The following RIOK1 variants were observed in gnomAD, a reference collection of about 807,000 sequenced individuals.
RIOK1 encodes RIO kinase 1.
RIOK1 carries 66 observed loss-of-function variants against 73.5 expected under a neutral mutation model. The ratio of observed to expected loss-of-function variants is 0.90; its 90% CI spans 0.74 to 1.10. The LOEUF (loss-of-function observed/expected upper bound fraction) is 1.10, where lower values mean the gene tolerates loss of function less well. Among genes scored for constraint, RIOK1 ranks in the 50% least tolerant of loss-of-function variants. RIOK1 has a pLI of 0.00. For synonymous variants in RIOK1, 224 were observed against 226.8 expected, an observed-to-expected ratio of 0.99 and a Z score of 0.11; for missense variants, 658 against 699.8, an observed-to-expected ratio of 0.94 and a Z score of 0.67.
At chr6:7,409,886 AC>A (rs1327246770) in intron 12 of RIOK1, among the ~76,000 whole-genome samples, 1 of 151,726 alleles carries the variant, frequency 6.6e-6, no homozygotes, top group East Asian at 1.9e-4. Flanking sequence ...AACCAAAAGA[AC>A]CCTTTGGAAT....
At chr6:7,391,682 G>T (rs560443640) in intron 1 of RIOK1, among the ~76,000 whole-genome samples, 10 of 152,184 alleles carry the variant, frequency 6.6e-5, no homozygotes, top group Non-Finnish European at 1.3e-4. Flanking sequence ...TTCTGGAGAC[G>T]TTTTTGTATG....
At chr6:7,390,128 C>G in intron 1 of RIOK1, 55 bp downstream of exon 1, 1 of 1,472,504 alleles carries the variant, frequency 6.8e-7, no homozygotes, top group Non-Finnish European at 9.2e-7. Flanking sequence ...TTGACCGCCC[C>G]CTTGGGGTGT....
intron 9 of RIOK1, 69 bp from the exon 10 acceptor site, chr6:7,404,349 A>G (rs1761686980): frequency 6.5e-7 from 1 of 1,544,726 alleles, no homozygotes; most frequent in South Asian, 1.1e-5. Flanking sequence ...AGAGAAGGGC[A>G]TGTAACAGTA....
chr6:7,416,748 A>G (rs796237279), intron 16 of RIOK1, among the ~76,000 whole-genome samples: 4 of 151,768 alleles, frequency 2.6e-5, no homozygotes, highest in African/African-American at 9.7e-5. Context: ...TGAGCCCAGG[A>G]GCTTGAGGCT....
intron 16 of RIOK1, 112 bp downstream of exon 16, chr6:7,414,502 G>A: frequency 4.9e-6 from 5 of 1,018,648 alleles, no homozygotes; most frequent in Non-Finnish European, 7.1e-6. Context: ...TTATTGATAA[G>A]TACCTCTAAT....
Position 7,408,544 on chromosome 6 carries a change from A to G in RIOK1, c.1204-1842A>G, listed in dbSNP as rs192978758. Among the ~76,000 whole-genome samples, 25 of 152,316 alleles carry G rather than the reference A, an allele frequency of 1.6e-4. No individual in the cohort carries two copies. In the East Asian group the frequency reaches 4.2e-3, roughly 26 times the overall value. On this transcript the variant is annotated intron_variant, in intron 12 of 16. Coordinates refer to ENST00000379834, the MANE Select transcript of RIOK1 (RefSeq NM_031480.3). ...AAGTAGTCACACTGTGTCACTTATT[A>G]TACTAAGTCCCTAATTCTGTCACCC...
chr6:7,410,039 A>G (rs1761850257), intron 12 of RIOK1, among the ~76,000 whole-genome samples: 1 of 152,162 alleles, frequency 6.6e-6, no homozygotes, highest in Non-Finnish European at 1.5e-5. Flanking sequence ...TGGTTCTTTC[A>G]TTCTTTAGGT....
intron 5 of RIOK1, 24 bp from the exon 6 acceptor site, chr6:7,400,934 T>C: frequency 1.3e-6 from 2 of 1,506,658 alleles, no homozygotes; most frequent in East Asian, 4.5e-5. Context: ...TTTGGAACTT[T>C]TTAATTTTTG....
At chr6:7,403,675 T>C (rs1415571772) in intron 8 of RIOK1, among the ~76,000 whole-genome samples, 4 of 152,122 alleles carry the variant, frequency 2.6e-5, no homozygotes, top group South Asian at 2.1e-4. Context: ...AAGATGCACA[T>C]TTTTTTCAGT....
chr6:7,408,411 C>T (rs1177243198), intron 12 of RIOK1, among the ~76,000 whole-genome samples: 1 of 151,256 alleles, frequency 6.6e-6, no homozygotes, highest in Admixed American at 6.6e-5. Flanking sequence ...TGCCTTTGCT[C>T]AACTTTGCTC....
chr6:7,411,760 C>T (rs1451944213), intron 14 of RIOK1, among the ~76,000 whole-genome samples: 1 of 152,188 alleles, frequency 6.6e-6, no homozygotes, highest in African/African-American at 2.4e-5. Context: ...CTTTAACATA[C>T]ATCATTCAGG....
At chr6:7,410,291 A>T in intron 12 of RIOK1, 95 bp from the exon 13 acceptor site, 1 of 842,676 alleles carries the variant, frequency 1.2e-6, no homozygotes, top group Non-Finnish European at 2.0e-6. Context: ...GGTGATACTT[A>T]AAAAGACTGG....
At position 7,405,248 on chromosome 6, in the gene RIOK1, G is replaced by C; in HGVS notation, c.1097-1G>C. ...GTCATTAACGTTTTTCCTTCTGACA[G>C]ATTTCTTTATGAGGCACAGTGTTGC... On this transcript the variant is annotated splice_acceptor_variant, in intron 11 of 16. Transcript: ENST00000379834. LOFTEE classifies it high-confidence loss of function. 1 of 1,597,980 alleles carries C rather than the reference G, an allele frequency of 6.3e-7. No individual in the cohort carries two copies. The highest frequency in any genetic ancestry group is 8.6e-7 in the Non-Finnish European group (1 of 1,167,494).
chr6:7,394,112 A>C (rs559464066), intron 2 of RIOK1, among the ~76,000 whole-genome samples: 1 of 152,264 alleles, frequency 6.6e-6, no homozygotes, highest in Admixed American at 6.6e-5. Flanking sequence ...CATAAAGGTT[A>C]ATCCAGCAGT....
chr6:7,392,575 A>G (rs912321500), intron 1 of RIOK1, among the ~76,000 whole-genome samples: 1 of 151,468 alleles, frequency 6.6e-6, no homozygotes, highest in African/African-American at 2.4e-5. Flanking sequence ...GCTGGAGTAC[A>G]GTGGCACGAT....
intron 3 of RIOK1, among the ~76,000 whole-genome samples, chr6:7,396,162 A>C (rs947509210): frequency 6.6e-6 from 1 of 152,172 alleles, no homozygotes; most frequent in Non-Finnish European, 1.5e-5. Context: ...GTTAATTTGA[A>C]TCATCATCTC....
intron 5 of RIOK1, among the ~76,000 whole-genome samples, chr6:7,399,577 A>G (rs1180293081): frequency 6.6e-6 from 1 of 152,178 alleles, no homozygotes; most frequent in Non-Finnish European, 1.5e-5. Flanking sequence ...ACATAGCTGG[A>G]GTCTTCAGCT....
At position 7,410,389 on chromosome 6, in the gene RIOK1, A is replaced by G; in HGVS notation, c.1207A>G (p.Met403Val). 3 of 1,610,150 alleles carry G rather than the reference A, an allele frequency of 1.9e-6. No individual in the cohort carries two copies. The highest frequency in any genetic ancestry group is 1.7e-6 in the Non-Finnish European group (2 of 1,176,560). ...TCATTTTTGTTTTCTTTCCAAGGCCATGGAAATAGCATCTCAAAGGACCAA... is the reference window on the plus strand; with the variant it reads ...TCATTTTTGTTTTCTTTCCAAGGCCGTGGAAATAGCATCTCAAAGGACCAA... ...ENMDAYLSKA[M>V]EIASQRTKEE... is the part of the protein sequence containing the mutation. Residue 403 changes from methionine to valine, a missense_variant, in exon 13 of 17, where the codon ATG becomes GTG. Coordinates refer to ENST00000379834, the MANE Select transcript of RIOK1 (RefSeq NM_031480.3).
In RIOK1 at chr6:7,402,586, TTTTTG is replaced by T; in HGVS notation, c.574-16_574-12del. On this transcript the variant is annotated splice_polypyrimidine_tract_variant and intron_variant, in intron 6 of 16. Transcript: ENST00000379834. ...TTAACATAAACTTCATTTTCTTTTT[TTTTTG>T]ACTTAATATAGGCTAATGTATACCA... 6.5e-7 allele frequency: 1 copy of T among 1,550,026 alleles called. No homozygotes were observed. The highest frequency in any genetic ancestry group is 8.7e-7 in the Non-Finnish European group (1 of 1,151,438).
Sources: allele counts gnomAD v4.1 joint callset (sites outside exome capture counted in the v4.1 genomes callset), GRCh38; gene constraint gnomAD v4.1.1; transcripts MANE v1.5; gene names NCBI Gene and HGNC (gene_info 2026-07-23, HGNC 2026-07-21).